The following LRRC4C variants were observed in gnomAD, a reference collection of about 807,000 sequenced individuals.
The protein encoded by LRRC4C is leucine-rich repeat-containing protein 4C.
A neutral mutation model predicts 33.6 loss-of-function variants in LRRC4C; 5 were observed. That is an observed-to-expected ratio of 0.15 (90% CI 0.08 to 0.31). The LOEUF (loss-of-function observed/expected upper bound fraction) is 0.31. LRRC4C is among the 10% of genes least tolerant of loss of function. The pLI is 1.00. For synonymous variants in LRRC4C, 329 were observed against 302.0 expected (o/e 1.09, Z -0.93); for missense variants, 560 against 796.7 (o/e 0.70, Z 3.58).
intron 1 of LRRC4C, among the ~76,000 whole-genome samples, chr11:41,159,314 T>C (rs753254010): frequency 6.6e-6 from 1 of 151,674 alleles, no homozygotes; most frequent in Non-Finnish European, 1.5e-5. Context: ...TACATAAAAA[T>C]AAAACATTAA....
At chr11:40,577,828 TTTTC>T (rs1450906784) in intron 3 of LRRC4C, among the ~76,000 whole-genome samples, 2 of 141,186 alleles carry the variant, frequency 1.4e-5, no homozygotes, top group Non-Finnish European at 3.1e-5. Context: ...TTGTTTTCTT[TTTTC>T]TTTTTTTTTT....
At chr11:40,795,929 C>T (rs1485328722) in intron 2 of LRRC4C, among the ~76,000 whole-genome samples, 1 of 152,094 alleles carries the variant, frequency 6.6e-6, no homozygotes, top group Non-Finnish European at 1.5e-5. Context: ...TTGTAAACTG[C>T]CAAAGAGAAC....
At chr11:40,186,360 C>T (rs1281966814) in intron 5 of LRRC4C, among the ~76,000 whole-genome samples, 2 of 152,094 alleles carry the variant, frequency 1.3e-5, no homozygotes, top group Admixed American at 1.3e-4. Context: ...AGCAAGGATG[C>T]CAGGAAGAAG....
chr11:40,918,622 G>C (rs1957054496), intron 2 of LRRC4C, among the ~76,000 whole-genome samples: 1 of 151,898 alleles, frequency 6.6e-6, no homozygotes, highest in South Asian at 2.1e-4. Flanking sequence ...GTTTCCTTTA[G>C]CTTTTTAAAT....
At chr11:40,446,345 C>T (rs1951635198) in intron 3 of LRRC4C, 1 of 152,156 alleles carries the variant, frequency 6.6e-6, no homozygotes, top group Non-Finnish European at 1.5e-5. Flanking sequence ...AAAGCATGTT[C>T]TGATGTACAG....
chr11:41,350,390 G>C (rs1448385299), intron 1 of LRRC4C, among the ~76,000 whole-genome samples: 3 of 151,258 alleles, frequency 2.0e-5, no homozygotes, highest in Non-Finnish European at 4.4e-5. Context: ...GGCGCCTGTA[G>C]TCCCAGCTAC....
chr11:40,831,242 C>A (rs573054392), intron 2 of LRRC4C, among the ~76,000 whole-genome samples: 1 of 152,122 alleles, frequency 6.6e-6, no homozygotes, highest in Non-Finnish European at 1.5e-5. Context: ...GTTACTTTTG[C>A]TCTCTGGTAA....
At chr11:41,190,991 T>C (rs1421449271) in intron 1 of LRRC4C, among the ~76,000 whole-genome samples, 1 of 152,200 alleles carries the variant, frequency 6.6e-6, no homozygotes, top group Non-Finnish European at 1.5e-5. Flanking sequence ...TCAGCTGGCC[T>C]TGGCTCATCT....
intron 1 of LRRC4C, among the ~76,000 whole-genome samples, chr11:41,225,641 TTATA>T (rs200374921): frequency 1.3e-5 from 2 of 151,496 alleles, no homozygotes; most frequent in Admixed American, 6.6e-5. Flanking sequence ...TTTATTTTAT[TTATA>T]TATATTTTTT....
At chr11:41,232,735 A>T (rs182042157) in intron 1 of LRRC4C, among the ~76,000 whole-genome samples, 2 of 144,416 alleles carry the variant, frequency 1.4e-5, no homozygotes, top group African/African-American at 5.1e-5. Flanking sequence ...TATTACATAC[A>T]TGTGTTATCA....
chr11:41,330,457 T>C (rs1234646973), intron 1 of LRRC4C, among the ~76,000 whole-genome samples: 1 of 152,216 alleles, frequency 6.6e-6, no homozygotes. Flanking sequence ...TAAAACTATT[T>C]ACCCAATGTT....
At chr11:40,902,416 C>A (rs952239990) in intron 2 of LRRC4C, among the ~76,000 whole-genome samples, 7 of 152,066 alleles carry the variant, frequency 4.6e-5, no homozygotes, top group African/African-American at 1.7e-4. Context: ...TCCTGAGACA[C>A]AACAATATTG....
chr11:41,187,345 G>A (rs1214483302), intron 1 of LRRC4C, among the ~76,000 whole-genome samples: 2 of 152,160 alleles, frequency 1.3e-5, no homozygotes, highest in Admixed American at 6.5e-5. Flanking sequence ...TGGCAGAAGA[G>A]GACACAAGTA....
At chr11:40,786,079 C>G (rs751310448) in intron 2 of LRRC4C, among the ~76,000 whole-genome samples, 1 of 152,032 alleles carries the variant, frequency 6.6e-6, no homozygotes, top group Non-Finnish European at 1.5e-5. Flanking sequence ...TAAACTCATA[C>G]GAACGATGAA....
intron 1 of LRRC4C, among the ~76,000 whole-genome samples, chr11:41,127,346 C>A (rs1942793264): frequency 6.6e-6 from 1 of 151,518 alleles, no homozygotes; most frequent in Non-Finnish European, 1.5e-5. Flanking sequence ...TTTTCCTCTT[C>A]CTCTTCTTCT....
At chr11:41,020,754 T>C (rs1855903188) in intron 1 of LRRC4C, among the ~76,000 whole-genome samples, 2 of 151,992 alleles carry the variant, frequency 1.3e-5, no homozygotes, top group Non-Finnish European at 2.9e-5. Context: ...CCTGTCTATG[T>C]GCTTAACCCT....
intron 1 of LRRC4C, among the ~76,000 whole-genome samples, chr11:40,974,388 G>C (rs1311177983): frequency 6.6e-6 from 1 of 152,098 alleles, no homozygotes; most frequent in African/African-American, 2.4e-5. Context: ...TTAACATTCA[G>C]TGTATAACTG....
intron 1 of LRRC4C, among the ~76,000 whole-genome samples, chr11:41,259,828 T>TA (rs1948919449): frequency 6.6e-6 from 1 of 151,996 alleles, no homozygotes; most frequent in Non-Finnish European, 1.5e-5. Flanking sequence ...GGTTTTTTTT[T>TA]AAAAATCAAA....
chr11:40,586,197 T>C (rs1958732720), intron 3 of LRRC4C, among the ~76,000 whole-genome samples: 1 of 152,006 alleles, frequency 6.6e-6, no homozygotes. Context: ...CTCATTGTGG[T>C]TTTGATTTGC....
Sources: gnomAD v4.1 joint callset for allele counts (sites outside exome capture counted in the v4.1 genomes callset) on GRCh38, gnomAD v4.1.1 for gene constraint, MANE v1.5 for transcripts, NCBI Gene and HGNC (gene_info 2026-07-23, HGNC 2026-07-21) for gene names.